Variants in CEP120 observed in about 807,000 individuals in gnomAD.
CEP120 encodes the protein centrosomal protein of 120 kDa.
In CEP120, 113 loss-of-function variants were observed where a neutral mutation model predicts 126.5. That is an observed-to-expected ratio of 0.89 (90% CI 0.77 to 1.04). The LOEUF (loss-of-function observed/expected upper bound fraction) is 1.04. Ranked by LOEUF, CEP120 falls within the 50% of genes least tolerant of loss-of-function variation. The pLI is 0.00. For missense variants in CEP120, 1,230 were observed against 1,155.7 expected (o/e 1.06, Z -0.93); for synonymous variants, 400 against 394.3 (o/e 1.01, Z -0.17).
intron 5 of CEP120, among the ~76,000 whole-genome samples, chr5:123,396,467 G>A (rs781773149): frequency 1.3e-5 from 2 of 151,752 alleles, no homozygotes; most frequent in Admixed American, 1.3e-4. Context: ...ATTTGTCCCA[G>A]TAATTCACCT....
intron 16 of CEP120, among the ~76,000 whole-genome samples, chr5:123,376,873 C>T (rs192424766): frequency 1.2e-4 from 19 of 152,106 alleles, no homozygotes; most frequent in Middle Eastern, 3.4e-3. Context: ...CAACATGTAA[C>T]GGCTAAAGGA....
At chr5:123,418,167 C>A (rs1010156410) in intron 2 of CEP120, among the ~76,000 whole-genome samples, 192 bp downstream of exon 2, 2 of 152,080 alleles carry the variant, frequency 1.3e-5, no homozygotes, top group Admixed American at 6.6e-5. Flanking sequence ...TTTGACTATG[C>A]GTATAATGTA....
chr5:123,353,841 T>C (rs1457919369), intron 18 of CEP120, among the ~76,000 whole-genome samples: 1 of 152,052 alleles, frequency 6.6e-6, no homozygotes, highest in African/African-American at 2.4e-5. Context: ...CTGTCTATTC[T>C]TGTCCTTGAA....
At chr5:123,388,896 C>T (rs557384126) in intron 8 of CEP120, among the ~76,000 whole-genome samples, 1 of 152,330 alleles carries the variant, frequency 6.6e-6, no homozygotes, top group South Asian at 2.1e-4. Context: ...CTAGAAGGCA[C>T]TAACTTATTT....
chr5:123,412,126 AG>A (rs1774097655), intron 4 of CEP120, among the ~76,000 whole-genome samples: 1 of 152,252 alleles, frequency 6.6e-6, no homozygotes, highest in Admixed American at 6.5e-5. Flanking sequence ...TACTCATCCT[AG>A]GAAGAAAACT....
At chr5:123,391,964 C>CA (rs928915920) in intron 6 of CEP120, among the ~76,000 whole-genome samples, 4 of 149,462 alleles carry the variant, frequency 2.7e-5, no homozygotes, top group Admixed American at 6.7e-5. Flanking sequence ...TTGACAAGTA[C>CA]AAAAAAAAAG....
At chr5:123,399,711 C>A (rs557747048) in intron 4 of CEP120, among the ~76,000 whole-genome samples, 6 of 152,118 alleles carry the variant, frequency 3.9e-5, no homozygotes, top group South Asian at 2.1e-4. Context: ...TGTGAGAAAA[C>A]TGACACAGGC....
chr5:123,408,541 A>C (rs927771921), intron 4 of CEP120, among the ~76,000 whole-genome samples: 2 of 152,204 alleles, frequency 1.3e-5, no homozygotes, highest in Non-Finnish European at 1.5e-5. Context: ...AATTCCTTGA[A>C]AGACACAATA....
chr5:123,410,774 G>A (rs556381277), intron 4 of CEP120, among the ~76,000 whole-genome samples: 1 of 152,218 alleles, frequency 6.6e-6, no homozygotes, highest in South Asian at 2.1e-4. Flanking sequence ...TTGGGTGGTG[G>A]CAACAATTTT....
At chr5:123,370,369 T>C (rs1238304610) in intron 17 of CEP120, among the ~76,000 whole-genome samples, 2 of 152,204 alleles carry the variant, frequency 1.3e-5, no homozygotes, top group South Asian at 2.1e-4. Flanking sequence ...TGCCACACTT[T>C]AGCAGACACC....
chr5:123,350,406 A>C (rs894791404), intron 18 of CEP120, among the ~76,000 whole-genome samples: 11 of 152,154 alleles, frequency 7.2e-5, no homozygotes, highest in African/African-American at 2.7e-4. Flanking sequence ...TATGAGTTAT[A>C]TATTAACCAG....
At chr5:123,371,307 C>G (rs1188612779) in intron 17 of CEP120, among the ~76,000 whole-genome samples, 3 of 152,012 alleles carry the variant, frequency 2.0e-5, no homozygotes, top group Non-Finnish European at 2.9e-5. Context: ...GCCTCACAAT[C>G]ATGGTAGAAG....
chr5:123,383,797 A>G (rs1771831373), intron 11 of CEP120, among the ~76,000 whole-genome samples: 1 of 152,144 alleles, frequency 6.6e-6, no homozygotes, highest in Non-Finnish European at 1.5e-5. Context: ...CATTAACCAA[A>G]TGAGAACAAG....
intron 4 of CEP120, among the ~76,000 whole-genome samples, chr5:123,402,895 A>T (rs1266102101): frequency 6.6e-6 from 1 of 152,202 alleles, no homozygotes; most frequent in East Asian, 1.9e-4. Flanking sequence ...GTGCCCTTAT[A>T]AAAAGGCTTG....
chr5:123,392,518 A>G (rs931506702), intron 6 of CEP120, among the ~76,000 whole-genome samples: 2 of 152,162 alleles, frequency 1.3e-5, no homozygotes, highest in African/African-American at 4.8e-5. Flanking sequence ...AGGTTAACTT[A>G]TCTTTTTTTT....
chr5:123,399,385 C>T (rs1773022632), intron 4 of CEP120, 101 bp from the exon 5 acceptor site: 1 of 1,103,198 alleles, frequency 9.1e-7, no homozygotes, highest in Admixed American at 2.2e-5. Context: ...TGGTAATTTT[C>T]ATGAATACAG....
At chr5:123,403,601 G>C (rs1012396612) in intron 4 of CEP120, 20 of 325,934 alleles carry the variant, frequency 6.1e-5, no homozygotes, top group Non-Finnish European at 9.5e-5. Flanking sequence ...GGAAAAAAGA[G>C]CAAGTTTACA....
chr5:123,402,010 G>A (rs11554485), intron 4 of CEP120: 43 of 1,608,070 alleles, frequency 2.7e-5, no homozygotes, highest in Non-Finnish European at 3.7e-5. Context: ...TGCTGCTCCA[G>A]GAACCGTACC....
intron 4 of CEP120, among the ~76,000 whole-genome samples, chr5:123,410,536 G>A (rs1334141061): frequency 6.6e-6 from 1 of 152,172 alleles, no homozygotes; most frequent in Non-Finnish European, 1.5e-5. Flanking sequence ...ACTCACATAA[G>A]TAAAGTCAAC....
Sources: gnomAD v4.1 joint callset for allele counts (sites outside exome capture counted in the v4.1 genomes callset) on GRCh38, gnomAD v4.1.1 for gene constraint, MANE v1.5 for transcripts, NCBI Gene and HGNC (gene_info 2026-07-23, HGNC 2026-07-21) for gene names.